MAPKAP1: variants seen among roughly 807,000 people sequenced by gnomAD.
The protein encoded by MAPKAP1 is MAPK associated protein 1.
Under a neutral mutation model 65.7 loss-of-function variants are expected in MAPKAP1, and 20 were observed. The ratio of observed to expected loss-of-function variants is 0.30; its 90% CI spans 0.21 to 0.44. The LOEUF is 0.44. Among genes scored for constraint, MAPKAP1 ranks in the 20% least tolerant of loss-of-function variants. MAPKAP1 has a pLI of 1.00. For missense variants in MAPKAP1, 423 were observed against 648.0 expected, an observed-to-expected ratio of 0.65 and a Z score of 3.77; for synonymous variants, 222 against 244.3, an observed-to-expected ratio of 0.91 and a Z score of 0.85.
At position 125,616,045 on chromosome 9, in the gene MAPKAP1, A is replaced by T. The variant is rs527615898; in HGVS notation, c.499-30318T>A. On this transcript the variant is annotated intron_variant, in intron 4 of 11. Coordinates refer to ENST00000265960, the MANE Select transcript of MAPKAP1 (RefSeq NM_001006617.3). ...TTAGCACAGGAAAAACCAAATAAAC[A>T]ATTGAAACAGAAAAGTCCAGGAAGA... Among the ~76,000 whole-genome samples, 6 of 152,352 alleles carry T rather than the reference A, an allele frequency of 3.9e-5. No individual in the cohort carries two copies. In the South Asian group the frequency reaches 1.2e-3, roughly 32 times the overall value.
Position 125,672,442 on chromosome 9 carries a change from AAGG to A in MAPKAP1, c.130_132del (p.Pro44del). ...TCTGACCCACTGTCTCCAGGCATTG[AAGG>A]AGGATGAATCTTCTCTAGGTCAACA... is the stretch of plus-strand genomic sequence containing the variant. On this transcript the variant is annotated inframe_deletion, in exon 2 of 12. Coordinates refer to ENST00000265960, the MANE Select transcript of MAPKAP1 (RefSeq NM_001006617.3). 1 of 1,614,152 alleles carries A rather than the reference AAGG, an allele frequency of 6.2e-7. No homozygotes were observed. Among genetic ancestry groups the A allele is most frequent in the Non-Finnish European group, 8.5e-7 (1 of 1,180,020 alleles).
chr9:125,684,733 C>T (rs564081407), intron 1 of MAPKAP1, among the ~76,000 whole-genome samples: 41 of 152,256 alleles, frequency 2.7e-4, no homozygotes, highest in Middle Eastern at 3.4e-3. Context: ...TACCTCCTAA[C>T]ATATTATTCA....
intron 4 of MAPKAP1, among the ~76,000 whole-genome samples, chr9:125,602,727 T>C (rs1221682784): frequency 6.6e-6 from 1 of 152,174 alleles, no homozygotes; most frequent in African/African-American, 2.4e-5. Context: ...GCACTTTTCA[T>C]ACATTATCTC....
intron 10 of MAPKAP1, among the ~76,000 whole-genome samples, chr9:125,462,580 C>T (rs1853538668): frequency 6.6e-6 from 1 of 152,220 alleles, no homozygotes; most frequent in Non-Finnish European, 1.5e-5. Context: ...GCTTTGTTTA[C>T]ATAAACCCTG....
intron 8 of MAPKAP1, among the ~76,000 whole-genome samples, chr9:125,499,441 T>C (rs1429891833): frequency 6.6e-6 from 1 of 152,248 alleles, no homozygotes; most frequent in Admixed American, 6.5e-5. Context: ...AAAGACTAGT[T>C]ATGATTCCAT....
intron 1 of MAPKAP1, among the ~76,000 whole-genome samples, chr9:125,693,550 T>TATACACACACATATATAC (rs1564619902): frequency 7.3e-6 from 1 of 137,368 alleles, no homozygotes; most frequent in African/African-American, 2.8e-5. Context: ...CATATATACA[T>TATACACACACATATATAC]ATACACACAC....
chr9:125,503,701 G>A (rs531846850), intron 8 of MAPKAP1, among the ~76,000 whole-genome samples: 1 of 151,444 alleles, frequency 6.6e-6, no homozygotes, highest in African/African-American at 2.4e-5. Context: ...TTCTCTTTAA[G>A]ATAATTTCTT....
intron 4 of MAPKAP1, among the ~76,000 whole-genome samples, chr9:125,602,597 C>T (rs1393334096): frequency 1.3e-5 from 2 of 152,108 alleles, no homozygotes; most frequent in Non-Finnish European, 2.9e-5. Context: ...CGATGGGAGA[C>T]GGGGCCAGGC....
At chr9:125,482,843 T>TCAGCTGATCAGCTGTCTCA (rs1227091189) in intron 9 of MAPKAP1, among the ~76,000 whole-genome samples, 1 of 152,196 alleles carries the variant, frequency 6.6e-6, no homozygotes, top group Non-Finnish European at 1.5e-5. Context: ...CTGATCAGCC[T>TCAGCTGATCAGCTGTCTCA]GCTAGAATCA....
intron 1 of MAPKAP1, among the ~76,000 whole-genome samples, chr9:125,703,492 C>A (rs1835664435): frequency 6.6e-6 from 1 of 152,144 alleles, no homozygotes; most frequent in South Asian, 2.1e-4. Context: ...CGTAATGTGG[C>A]CACGAATGGT....
At chr9:125,471,935 A>G (rs1352755411) in intron 9 of MAPKAP1, 3 of 152,208 alleles carry the variant, frequency 2.0e-5, no homozygotes, top group Non-Finnish European at 4.4e-5. Context: ...GCCATCAACA[A>G]TGTGCCAGCA....
chr9:125,506,196 A>T, intron 8 of MAPKAP1, 114 bp downstream of exon 8: 1 of 856,498 alleles, frequency 1.2e-6, no homozygotes, highest in Non-Finnish European at 2.0e-6. Flanking sequence ...GCCTTGGAAA[A>T]CAGTCACTTC....
At position 125,559,692 on chromosome 9, in the gene MAPKAP1, G is replaced by A. The variant is rs141934829; in HGVS notation, c.789C>T (p.Ala263=). The change falls in exon 6 of 12, where the codon GCC becomes GCT. Residue 263 remains alanine, a synonymous_variant. Coordinates refer to ENST00000265960, the MANE Select transcript of MAPKAP1 (RefSeq NM_001006617.3). ...PIHKFGFSTL[A]LVEKYSSPGL... is the part of the protein sequence containing the mutation. ...CAGGAGATGAGTACTTTTCAACCAG[G>A]GCCAAAGTACTGAAGCCAAACTTAT... The A allele has an allele frequency of 2.5e-6, 4 of 1,613,760 alleles. No individual in the cohort carries two copies. The South Asian group carries it at 3.3e-5, about 13-fold the overall frequency.
intron 4 of MAPKAP1, among the ~76,000 whole-genome samples, chr9:125,627,350 T>A (rs532652389): frequency 6.6e-6 from 1 of 152,254 alleles, no homozygotes; most frequent in Admixed American, 6.5e-5. Flanking sequence ...AAAGTTTTTA[T>A]GTAAAAATTA....
chr9:125,578,033 G>A (rs1199248769), intron 5 of MAPKAP1, among the ~76,000 whole-genome samples: 10 of 152,002 alleles, frequency 6.6e-5, no homozygotes, highest in Non-Finnish European at 1.3e-4. Flanking sequence ...GATGGTTGCC[G>A]TGTCTGTGTA....
At chr9:125,691,975 G>C (rs766764893) in intron 1 of MAPKAP1, among the ~76,000 whole-genome samples, 7 of 152,158 alleles carry the variant, frequency 4.6e-5, no homozygotes, top group Non-Finnish European at 8.8e-5. Context: ...AATTCCTAGA[G>C]CCTAGGGCTG....
At chr9:125,621,071 G>A (rs1832883575) in intron 4 of MAPKAP1, among the ~76,000 whole-genome samples, 1 of 151,922 alleles carries the variant, frequency 6.6e-6, no homozygotes, top group Admixed American at 6.6e-5. Flanking sequence ...CAGGAGTTTG[G>A]GACCAGCCTG....
chr9:125,438,780 GGGCT>G lies in MAPKAP1; in HGVS notation c.*103_*106del. 6.7e-7 allele frequency: 1 copy of G among 1,488,014 alleles called. No individual in the cohort carries two copies. 92.2% of individuals were successfully genotyped at this position (1,488,014 alleles called of 1,614,324 possible). On this transcript the variant is annotated 3_prime_UTR_variant, in exon 12 of 12. Coordinates refer to ENST00000265960, the MANE Select transcript of MAPKAP1 (RefSeq NM_001006617.3). ...CACCTGCCCTGTGCCAGTGAGCCAGGGGCTGGCCTCCCCCCGAGGACTTCAGGAC... is the reference window on the plus strand; with the variant it reads ...CACCTGCCCTGTGCCAGTGAGCCAGGGGCCTCCCCCCGAGGACTTCAGGAC...
At chr9:125,706,042 T>TACC in intron 1 of MAPKAP1, among the ~76,000 whole-genome samples, 1 of 152,296 alleles carries the variant, frequency 6.6e-6, no homozygotes, top group South Asian at 2.1e-4. Context: ...GGGAAAGGGC[T>TACC]ACCAGCATGC....
Sources: allele counts gnomAD v4.1 joint callset (sites outside exome capture counted in the v4.1 genomes callset), GRCh38; gene constraint gnomAD v4.1.1; transcripts MANE v1.5; gene names NCBI Gene and HGNC (gene_info 2026-07-23, HGNC 2026-07-21).